The following CFAP54 variants were observed in gnomAD, a reference collection of about 807,000 sequenced individuals.
CFAP54 encodes cilia- and flagella-associated protein 54.
A neutral mutation model predicts 370.4 loss-of-function variants in CFAP54; 290 were observed. The ratio of observed to expected loss-of-function variants is 0.78; its 90% CI spans 0.71 to 0.86. The LOEUF is 0.86. Among genes scored for constraint, CFAP54 ranks in the 40% least tolerant of loss-of-function variants. CFAP54 has a pLI of 0.00. For missense variants in CFAP54, 3,399 were observed against 3,528.7 expected, an observed-to-expected ratio of 0.96 and a Z score of 0.93; for synonymous variants, 1,206 against 1,236.5, an observed-to-expected ratio of 0.98 and a Z score of 0.52.
At chr12:96,623,208 A>G (rs901045617) in intron 27 of CFAP54, among the ~76,000 whole-genome samples, 2 of 152,004 alleles carry the variant, frequency 1.3e-5, no homozygotes, top group African/African-American at 2.4e-5. Context: ...TTTTTGAACA[A>G]GAGACATTAA....
chr12:96,867,788 T>C (rs1035498515), intron 67 of CFAP54, among the ~76,000 whole-genome samples: 3 of 152,074 alleles, frequency 2.0e-5, no homozygotes, highest in Non-Finnish European at 4.4e-5. Context: ...AAATACAAAA[T>C]TTCAAGTTAA....
chr12:96,622,556 G>A (rs988436670), intron 27 of CFAP54, among the ~76,000 whole-genome samples: 1 of 152,018 alleles, frequency 6.6e-6, no homozygotes, highest in Non-Finnish European at 1.5e-5. Context: ...CACCATGTTG[G>A]CCAGGCTGGT....
At chr12:96,517,491 G>A (rs1955249799) in intron 5 of CFAP54, among the ~76,000 whole-genome samples, 1 of 152,148 alleles carries the variant, frequency 6.6e-6, no homozygotes, top group Non-Finnish European at 1.5e-5. Context: ...ATTTAGGCAT[G>A]GCTTAATCAT....
At chr12:96,555,341 G>A (rs918369498) in intron 17 of CFAP54, among the ~76,000 whole-genome samples, 6 of 151,804 alleles carry the variant, frequency 4.0e-5, no homozygotes, top group Non-Finnish European at 7.4e-5. Context: ...TTCAAATGCT[G>A]GTTAATTTAA....
rs185625079 is a variant in CFAP54, at chr12:96,577,946, C to T, written c.2796+1185C>T. The stretch of plus-strand genomic sequence containing the variant: ...GCGTTGTGGCAGGTACCTGTAATCC[C>T]AGCTACTCAGGAGGCTGAGGCAGGA... On this transcript the variant is annotated intron_variant, in intron 20 of 67. Transcript: ENST00000524981. Among the ~76,000 whole-genome samples the T allele has an allele frequency of 9.2e-5, 14 of 152,102 alleles. No homozygotes were observed. The East Asian group carries it at 2.3e-3, about 25-fold the overall frequency.
intron 55 of CFAP54, among the ~76,000 whole-genome samples, chr12:96,751,403 T>C (rs1376009461): frequency 6.6e-6 from 1 of 152,140 alleles, no homozygotes. Context: ...ACAATTCAAG[T>C]ATTATTTTTA....
chr12:96,851,600 G>T (rs1959549319), intron 66 of CFAP54, among the ~76,000 whole-genome samples: 1 of 151,888 alleles, frequency 6.6e-6, no homozygotes, highest in Non-Finnish European at 1.5e-5. Flanking sequence ...CTGATAAAGT[G>T]GCTGGATATA....
intron 65 of CFAP54, among the ~76,000 whole-genome samples, chr12:96,819,782 A>G (rs550401277): frequency 7.2e-5 from 11 of 152,216 alleles, no homozygotes; most frequent in South Asian, 6.2e-4. Flanking sequence ...TAGATTTTTT[A>G]CTGAAGTATT....
Position 96,825,246 on chromosome 12 carries a change from G to T in CFAP54, c.9097-3768G>T, listed in dbSNP as rs1424606641. Among the ~76,000 whole-genome samples the T allele has an allele frequency of 1.4e-4, 15 of 104,124 alleles. No homozygotes were observed. The East Asian group carries it at 4.1e-3, about 29-fold the overall frequency. The allele number at this position is 104,124 out of a possible 152,430, so 68.3% of individuals were successfully genotyped here. On this transcript the variant is annotated intron_variant, in intron 65 of 67. Transcript: ENST00000524981. ...ATTCTCTCCCACATCTAGGATCCTA[G>T]ATATTATATATTATATATAATATAA...
At chr12:96,495,487 G>GTTT (rs59091655) in intron 1 of CFAP54, among the ~76,000 whole-genome samples, 13 of 144,402 alleles carry the variant, frequency 9.0e-5, no homozygotes, top group East Asian at 6.1e-4. Context: ...GCTAATTTTT[G>GTTT]TTTTTTTTTT....
At chr12:96,605,939 A>C (rs1011900633) in intron 26 of CFAP54, among the ~76,000 whole-genome samples, 12 of 152,216 alleles carry the variant, frequency 7.9e-5, no homozygotes, top group African/African-American at 2.9e-4. Context: ...GTTGAATGTA[A>C]GACAAGGTTT....
intron 8 of CFAP54, among the ~76,000 whole-genome samples, chr12:96,522,673 A>C (rs1269506841): frequency 6.6e-6 from 1 of 152,254 alleles, no homozygotes; most frequent in Non-Finnish European, 1.5e-5. Context: ...GCTTAAAACA[A>C]CAATTTATTG....
At chr12:96,716,992 G>A (rs895913255) in intron 48 of CFAP54, among the ~76,000 whole-genome samples, 3 of 152,210 alleles carry the variant, frequency 2.0e-5, no homozygotes, top group African/African-American at 7.2e-5. Context: ...TCAGTGAGAT[G>A]TAGAGTGGCA....
chr12:96,703,270 C>T (rs542510143), intron 46 of CFAP54, among the ~76,000 whole-genome samples: 19 of 152,248 alleles, frequency 1.2e-4, no homozygotes, highest in South Asian at 6.2e-4. Context: ...AGAGTGTGAA[C>T]GAGAAGGTCA....
Position 96,586,511 on chromosome 12 carries a change from G to A in CFAP54, c.3076-2916G>A, listed in dbSNP as rs758286263. On this transcript the variant is annotated intron_variant, in intron 22 of 67. Transcript: ENST00000524981. Reference sequence around the variant, plus strand: ...TCAAGGAAGGCGAGATTTAAGTAGAGACTTGAAGGAGATGAGGGAATGGCT... The same window carrying A: ...TCAAGGAAGGCGAGATTTAAGTAGAAACTTGAAGGAGATGAGGGAATGGCT... Among the ~76,000 whole-genome samples the A allele has an allele frequency of 2.0e-5, 3 of 152,282 alleles. No individual in the cohort carries two copies. The South Asian group carries it at 6.2e-4, about 32-fold the overall frequency.
At chr12:96,780,038 G>A (rs1350425251) in intron 60 of CFAP54, among the ~76,000 whole-genome samples, 1 of 152,094 alleles carries the variant, frequency 6.6e-6, no homozygotes. Context: ...GGAGTTTTCT[G>A]TCTTTGGCTT....
chr12:96,797,616 C>G (rs140065891), intron 63 of CFAP54, among the ~76,000 whole-genome samples: 1 of 151,844 alleles, frequency 6.6e-6, no homozygotes. Context: ...AATTACATGA[C>G]CTTTTTGTAA....
chr12:96,799,258 A>G (rs1263019770), intron 63 of CFAP54, among the ~76,000 whole-genome samples: 1 of 152,196 alleles, frequency 6.6e-6, no homozygotes, highest in East Asian at 1.9e-4. Flanking sequence ...CCTTTCACAG[A>G]GGGACATTCC....
intron 19 of CFAP54, among the ~76,000 whole-genome samples, chr12:96,566,126 TA>T (rs922497787): frequency 1.3e-5 from 2 of 152,212 alleles, no homozygotes; most frequent in African/African-American, 2.4e-5. Context: ...GAGCCTCTTT[TA>T]AATCTCTTTT....
Sources: gnomAD v4.1 joint callset for allele counts (sites outside exome capture counted in the v4.1 genomes callset) on GRCh38, gnomAD v4.1.1 for gene constraint, MANE v1.5 for transcripts, NCBI Gene and HGNC (gene_info 2026-07-23, HGNC 2026-07-21) for gene names.